Variants in SLC17A9 observed in about 807,000 individuals in gnomAD.
The protein encoded by SLC17A9 is voltage-gated purine nucleotide uniporter SLC17A9.
A neutral mutation model predicts 55.0 loss-of-function variants in SLC17A9; 49 were observed. That is an observed-to-expected ratio of 0.89 (90% confidence interval 0.71 to 1.13). SLC17A9 has a LOEUF of 1.13. SLC17A9 is among the 50% of genes most tolerant of loss of function. SLC17A9 has a pLI of 0.00. For missense variants in SLC17A9, 526 were observed against 569.3 expected (o/e 0.92, Z 0.77); for synonymous variants, 256 against 247.4 (o/e 1.03, Z -0.32).
intron 3 of SLC17A9, 95 bp downstream of exon 3, chr20:62,957,675 A>C (rs2065549513): frequency 8.9e-7 from 1 of 1,122,508 alleles, no homozygotes; most frequent in African/African-American, 1.6e-5. Context: ...GCATGCGTGC[A>C]TGCAGGTGGT....
In SLC17A9 at chr20:62,963,603, C is replaced by A; in HGVS notation, c.745C>A (p.Leu249Ile). Residue 249 changes from leucine to isoleucine, a missense_variant, in exon 7 of 13, where the codon CTC becomes ATC. Coordinates refer to ENST00000370351, the MANE Select transcript of SLC17A9 (RefSeq NM_022082.4). ...PAVWAAVVSQ[L>I]SAACSFFILL... ...CCGCAGGGCAGCCGTCGTCTCCCAG[C>A]TCTCTGCAGCCTGCTCCTTCTTCAT... is the stretch of plus-strand genomic sequence containing the variant. 7 of 1,599,402 alleles carry A rather than the reference C, an allele frequency of 4.4e-6. No individual in the cohort carries two copies. Among genetic ancestry groups the A allele is most frequent in the Non-Finnish European group, 6.0e-6 (7 of 1,172,956 alleles).
At position 62,952,735 on chromosome 20, in the gene SLC17A9, G is replaced by A. The variant is rs1233627723; in HGVS notation, c.-96G>A. The A allele has an allele frequency of 3.1e-6, 4 of 1,290,280 alleles. No individual in the cohort carries two copies. Among genetic ancestry groups the A allele is most frequent in the East Asian group, 2.7e-5 (1 of 37,506 alleles). The allele number at this position is 1,290,280 out of a possible 1,614,324, so 79.9% of individuals were successfully genotyped here. On this transcript the variant is annotated 5_prime_UTR_variant, in exon 1 of 13. In the 5' UTR this introduces an upstream ATG that the reference lacks. Coordinates refer to ENST00000370351, the MANE Select transcript of SLC17A9 (RefSeq NM_022082.4). ...GACGGAAGCGCGCTGGGACTGACAC[G>A]TGGACTTGGGCGGTGCTGCCCGGGT...
Position 62,957,787 on chromosome 20 carries a change from C to CTG in SLC17A9, c.397+218_397+219dup, listed in dbSNP as rs142003988. On this transcript the variant is annotated intron_variant, in intron 3 of 12. Transcript: ENST00000370351. ...GGCATGCCCGCGTGCATGCGTGCACCTGTGTGTGTGTGCGTGTGCAAGTGT... is the reference window on the plus strand; with the variant it reads ...GGCATGCCCGCGTGCATGCGTGCACCTGTGTGTGTGTGTGCGTGTGCAAGTGT... Among the ~76,000 whole-genome samples the CTG allele has an allele frequency of 1.5e-4, 19 of 126,050 alleles. 2 individuals are homozygous for CTG. The highest frequency in any genetic ancestry group is 1.4e-3 in the South Asian group (5 of 3,476). 82.7% of individuals were successfully genotyped at this position (126,050 alleles called of 152,430 possible). A position where few individuals can be genotyped will look rare whatever the true frequency, so the allele number is the denominator to read the frequency against.
At chr20:62,964,198 C>T (rs779502607) in intron 7 of SLC17A9, 30 bp from the exon 8 acceptor site, 123 of 1,611,432 alleles carry the variant, frequency 7.6e-5, no homozygotes, top group Non-Finnish European at 9.4e-5. Flanking sequence ...CCGGCCCTGG[C>T]CCCCTCTAAG....
rs889072244 is a variant in SLC17A9, at chr20:62,952,811, G to A, written c.-20G>A. On this transcript the variant is annotated 5_prime_UTR_variant, in exon 1 of 13. Coordinates refer to ENST00000370351, the MANE Select transcript of SLC17A9 (RefSeq NM_022082.4). Reference sequence around the variant, plus strand: ...CCCGGGACACAGCTGTGCCCACGCCGTCTGAGCACCCCAAGCCCGATGCAG... The same window carrying A: ...CCCGGGACACAGCTGTGCCCACGCCATCTGAGCACCCCAAGCCCGATGCAG... 2.2e-5 allele frequency: 34 copies of A among 1,533,724 alleles called. No homozygotes were observed. The highest frequency in any genetic ancestry group is 1.5e-4 in the East Asian group (6 of 40,698).
rs1157892458 is a variant in SLC17A9 at position 62,968,981 on chromosome 20, C to G, written c.*1481C>G. 6.6e-6 allele frequency: 1 copy of G among 152,332 alleles called. No individual in the cohort carries two copies. The highest frequency in any genetic ancestry group is 1.5e-5 in the Non-Finnish European group (1 of 68,108). The allele number at this position is 152,332 out of a possible 1,614,324, so 9.4% of individuals were successfully genotyped here. A position where few individuals can be genotyped will look rare whatever the true frequency, so the allele number is the denominator to read the frequency against. ...CTCTCCAGTTTCGGTCAGCCCAACCCTGTGGCACCATGGGTACAGCCTAGA... is the reference window on the plus strand; with the variant it reads ...CTCTCCAGTTTCGGTCAGCCCAACCGTGTGGCACCATGGGTACAGCCTAGA... On this transcript the variant is annotated 3_prime_UTR_variant, in exon 13 of 13. Transcript: ENST00000370351.
Position 62,962,965 on chromosome 20 carries a change from G to A in SLC17A9, c.628+211G>A. 2 of 727,170 alleles carry A rather than the reference G, an allele frequency of 2.8e-6. No homozygotes were observed. The highest frequency in any genetic ancestry group is 4.4e-6 in the Non-Finnish European group (2 of 455,128). The allele number at this position is 727,170 out of a possible 1,614,324, so 45.0% of individuals were successfully genotyped here. On this transcript the variant is annotated intron_variant, in intron 5 of 12. Coordinates refer to ENST00000370351, the MANE Select transcript of SLC17A9 (RefSeq NM_022082.4). The surrounding 1 kb of genome is among the most constrained non-coding windows in gnomAD (Gnocchi z 5.5). ...TCTGGAAGGTTCCATCTAGGGCTAAGGCAGACACCCAGGAAGACCTGCTGG... is the reference window on the plus strand; with the variant it reads ...TCTGGAAGGTTCCATCTAGGGCTAAAGCAGACACCCAGGAAGACCTGCTGG...
At chr20:62,955,965 T>G (rs1447262257) in intron 1 of SLC17A9, among the ~76,000 whole-genome samples, 1 of 152,188 alleles carries the variant, frequency 6.6e-6, no homozygotes, top group Admixed American at 6.5e-5. Flanking sequence ...AGACAGCACT[T>G]CCTCCCACAC....
At position 62,965,086 on chromosome 20, in the gene SLC17A9, G is replaced by C; in HGVS notation, c.911-46G>C. On this transcript the variant is annotated intron_variant, in intron 8 of 12. Transcript: ENST00000370351. ...GGATGGGACCCCCTCTGGGGTGTCAGCACGAAAGGGCTAACGGGAGCCCCT... is the reference window on the plus strand; with the variant it reads ...GGATGGGACCCCCTCTGGGGTGTCACCACGAAAGGGCTAACGGGAGCCCCT... 2.5e-6 allele frequency: 4 copies of C among 1,612,598 alleles called. No individual in the cohort carries two copies. In the South Asian group the frequency reaches 4.4e-5, roughly 18 times the overall value.
At position 62,966,684 on chromosome 20, in the gene SLC17A9, C is replaced by G; in HGVS notation, c.1118-19C>G. ...TTTGCTGACCATCCATATTCTCTCT[C>G]GCTCTGGCCTCTTCACAGGTGTGGC... On this transcript the variant is annotated intron_variant, in intron 11 of 12. Transcript: ENST00000370351. The G allele has an allele frequency of 1.9e-6, 3 of 1,613,880 alleles. No homozygotes were observed. Among genetic ancestry groups the G allele is most frequent in the South Asian group, 1.1e-5 (1 of 91,062 alleles).
chr20:62,964,905 G>A (rs1215666670), intron 8 of SLC17A9: 26 of 562,154 alleles, frequency 4.6e-5, no homozygotes, highest in Non-Finnish European at 8.2e-5. Context: ...CTGTGTTTCT[G>A]CCCAAACCCA....
rs2065594117 is a variant in SLC17A9 at position 62,962,140 on chromosome 20, G to A, written c.498-484G>A. On this transcript the variant is annotated intron_variant, in intron 4 of 12. Transcript: ENST00000370351. This position sits in a 1 kb window ranked among gnomAD's most constrained non-coding sequence, Gnocchi z 5.5. ...ACAATGAAGTCATGGGGACGGGATG[G>A]GGGTTGTTGGATTTGGCCGTCATGG... is the stretch of plus-strand genomic sequence containing the variant. 6.5e-6 allele frequency: 1 copy of A among 153,644 alleles called. No individual in the cohort carries two copies. Among genetic ancestry groups the A allele is most frequent in the African/African-American group, 2.4e-5 (1 of 41,468 alleles). 9.5% of individuals were successfully genotyped at this position (153,644 alleles called of 1,614,324 possible).
At chr20:62,965,573 C>T in intron 9 of SLC17A9, 37 bp from the exon 10 acceptor site, 1 of 1,587,410 alleles carries the variant, frequency 6.3e-7, no homozygotes, top group Non-Finnish European at 8.6e-7. Flanking sequence ...TGCAGGCGGG[C>T]TGGGTGCCTC....
chr20:62,965,463 G>C (rs983147592), intron 9 of SLC17A9, 147 bp from the exon 10 acceptor site: 1 of 782,402 alleles, frequency 1.3e-6, no homozygotes, highest in African/African-American at 1.7e-5. Flanking sequence ...CCTCCTCTAG[G>C]GGGCCTGGTC....
chr20:62,966,992 G>C (rs935657439), intron 12 of SLC17A9: 1 of 585,452 alleles, frequency 1.7e-6, no homozygotes, highest in East Asian at 2.9e-5. Flanking sequence ...CAGGGTCCCC[G>C]GGACACCTCC....
chr20:62,964,437 C>G, intron 8 of SLC17A9, 122 bp downstream of exon 8: 1 of 979,042 alleles, frequency 1.0e-6, no homozygotes, highest in Non-Finnish European at 1.6e-6. Flanking sequence ...GACAGAGGGG[C>G]ACTTCTTTCC....
intron 1 of SLC17A9, chr20:62,953,252 C>G (rs1319847870): frequency 1.9e-6 from 3 of 1,550,214 alleles, no homozygotes; most frequent in Non-Finnish European, 2.6e-6. Flanking sequence ...CAAGCAGGCG[C>G]CAGGACAGTC....
chr20:62,960,901 C>T (rs901070717), intron 4 of SLC17A9, among the ~76,000 whole-genome samples: 1 of 152,268 alleles, frequency 6.6e-6, no homozygotes, highest in South Asian at 2.1e-4. Context: ...TTTCTTTCAT[C>T]TGTGCTAACG....
intron 6 of SLC17A9, 43 bp downstream of exon 6, chr20:62,963,412 C>G (rs542316238): frequency 1.3e-6 from 2 of 1,594,586 alleles, no homozygotes; most frequent in East Asian, 2.2e-5. Context: ...GCGGCAGGGC[C>G]GGTGACCATG....
Sources: allele counts gnomAD v4.1 joint callset (sites outside exome capture counted in the v4.1 genomes callset), GRCh38; gene constraint gnomAD v4.1.1; non-coding constraint Gnocchi (gnomAD v3.1); transcripts MANE v1.5; gene names NCBI Gene and HGNC (gene_info 2026-07-23, HGNC 2026-07-21).